Variants in PARD3B observed in about 807,000 individuals in gnomAD.
The protein encoded by PARD3B is partitioning defective 3 homolog B.
In PARD3B, 103 loss-of-function variants were observed where a neutral mutation model predicts 130.2. That is an observed-to-expected ratio of 0.79 (90% CI 0.67 to 0.93). PARD3B has a LOEUF of 0.93. PARD3B is among the 40% of genes least tolerant of loss of function. The pLI is 0.00. For missense variants in PARD3B, 1,609 were observed against 1,499.2 expected, an observed-to-expected ratio of 1.07 and a Z score of -1.21; for synonymous variants, 583 against 553.2, an observed-to-expected ratio of 1.05 and a Z score of -0.76.
At chr2:205,546,899 G>A (rs1308463989) in intron 21 of PARD3B, among the ~76,000 whole-genome samples, 1 of 152,040 alleles carries the variant, frequency 6.6e-6, no homozygotes, top group Non-Finnish European at 1.5e-5. Flanking sequence ...ATACAAAATT[G>A]TCAATAATAA....
At chr2:205,399,462 C>G (rs1475481839) in intron 18 of PARD3B, among the ~76,000 whole-genome samples, 1 of 151,732 alleles carries the variant, frequency 6.6e-6, no homozygotes, top group Non-Finnish European at 1.5e-5. Context: ...TCAAGTGATT[C>G]TCCTGCCTCA....
At chr2:204,716,753 G>C (rs2038749559) in intron 2 of PARD3B, among the ~76,000 whole-genome samples, 1 of 151,376 alleles carries the variant, frequency 6.6e-6, no homozygotes, top group Non-Finnish European at 1.5e-5. Flanking sequence ...CTCCTGAGTA[G>C]CTGGGACCAC....
intron 2 of PARD3B, among the ~76,000 whole-genome samples, chr2:204,744,504 A>G (rs2040136914): frequency 6.6e-6 from 1 of 152,172 alleles, no homozygotes; most frequent in South Asian, 2.1e-4. Flanking sequence ...TCTGTGTGGA[A>G]TGAGAAACTG....
intron 1 of PARD3B, among the ~76,000 whole-genome samples, chr2:204,584,419 A>G (rs1300569622): frequency 6.6e-6 from 1 of 152,230 alleles, no homozygotes; most frequent in African/African-American, 2.4e-5. Context: ...GAGTATAGCT[A>G]GTAAAAACAT....
intron 16 of PARD3B, among the ~76,000 whole-genome samples, chr2:205,296,396 C>G (rs2041792853): frequency 6.6e-6 from 1 of 152,198 alleles, no homozygotes; most frequent in South Asian, 2.1e-4. Flanking sequence ...GAATCCAAGA[C>G]TGAGTCAGAG....
At position 204,568,963 on chromosome 2, in the gene PARD3B, A is replaced by T. The variant is rs1472827254; in HGVS notation, c.120+22844A>T. 2.0e-5 allele frequency among the ~76,000 whole-genome samples: 3 copies of T among 152,200 alleles called. No homozygotes were observed. The East Asian group carries it at 5.8e-4, about 29-fold the overall frequency. Reference sequence around the variant, plus strand: ...GAGTGAGACTGTCTCAGGAAAAAAAAAAAAAAATTGCAGGAAAACTCAGGC... The same window carrying T: ...GAGTGAGACTGTCTCAGGAAAAAAATAAAAAAATTGCAGGAAAACTCAGGC... On this transcript the variant is annotated intron_variant, in intron 1 of 22. Transcript: ENST00000406610.
chr2:205,295,809 A>C (rs906355503), intron 16 of PARD3B, among the ~76,000 whole-genome samples: 3 of 152,204 alleles, frequency 2.0e-5, no homozygotes, highest in East Asian at 3.8e-4. Flanking sequence ...CTAAGACTCC[A>C]CTATTAATCT....
At chr2:205,225,686 A>T (rs895238519) in intron 15 of PARD3B, among the ~76,000 whole-genome samples, 1 of 152,200 alleles carries the variant, frequency 6.6e-6, no homozygotes, top group African/African-American at 2.4e-5. Flanking sequence ...AGGGGAAGCA[A>T]GCACATCTTT....
intron 3 of PARD3B, among the ~76,000 whole-genome samples, chr2:205,013,004 CAT>C (rs894087422): frequency 6.6e-6 from 1 of 152,188 alleles, no homozygotes; most frequent in African/African-American, 2.4e-5. Flanking sequence ...TTAAAGTTTT[CAT>C]GTTTTTGCTG....
At chr2:205,305,677 C>A (rs1219994788) in intron 18 of PARD3B, among the ~76,000 whole-genome samples, 3 of 152,142 alleles carry the variant, frequency 2.0e-5, no homozygotes, top group African/African-American at 7.2e-5. Context: ...TCAATCCTGG[C>A]TTCTCTAATT....
chr2:205,477,626 T>A (rs2049072123), intron 20 of PARD3B, among the ~76,000 whole-genome samples: 1 of 152,116 alleles, frequency 6.6e-6, no homozygotes, highest in Non-Finnish European at 1.5e-5. Flanking sequence ...TGATTTAGCC[T>A]CTCTTTGTTG....
chr2:204,883,113 G>A (rs2046116403), intron 2 of PARD3B, among the ~76,000 whole-genome samples: 1 of 151,788 alleles, frequency 6.6e-6, no homozygotes, highest in Non-Finnish European at 1.5e-5. Context: ...AAATGCTAGA[G>A]AAAATAAGTT....
At chr2:204,966,371 T>C (rs1188287838) in intron 3 of PARD3B, among the ~76,000 whole-genome samples, 1 of 152,182 alleles carries the variant, frequency 6.6e-6, no homozygotes, top group Non-Finnish European at 1.5e-5. Context: ...AGTGAAGCAG[T>C]CTGCTGGAAC....
At chr2:205,487,024 A>G (rs1285752998) in intron 20 of PARD3B, among the ~76,000 whole-genome samples, 4 of 152,236 alleles carry the variant, frequency 2.6e-5, no homozygotes, top group Non-Finnish European at 4.4e-5. Flanking sequence ...TACTGCGTAT[A>G]TAATTCTGTG....
At chr2:204,734,047 A>G (rs1238286996) in intron 2 of PARD3B, among the ~76,000 whole-genome samples, 1 of 152,204 alleles carries the variant, frequency 6.6e-6, no homozygotes, top group East Asian at 1.9e-4. Flanking sequence ...ACTAGTGTCT[A>G]ACATACACAG....
At chr2:205,140,398 G>C (rs1324161938) in intron 10 of PARD3B, among the ~76,000 whole-genome samples, 1 of 151,068 alleles carries the variant, frequency 6.6e-6, no homozygotes, top group Admixed American at 6.6e-5. Flanking sequence ...TGGTCCCAGG[G>C]GAGACAGATG....
At chr2:205,349,819 T>TA (rs1189130985) in intron 18 of PARD3B, among the ~76,000 whole-genome samples, 189 of 148,024 alleles carry the variant, frequency 1.3e-3, no homozygotes, top group African/African-American at 4.6e-3. Flanking sequence ...TTTTTTTTTT[T>TA]TAAAAAAAGA....
At chr2:205,380,433 A>G (rs1452960709) in intron 18 of PARD3B, among the ~76,000 whole-genome samples, 1 of 46,836 alleles carries the variant, frequency 2.1e-5, no homozygotes, top group Non-Finnish European at 3.5e-5. Flanking sequence ...TATATTATAT[A>G]TTATATAAAG....
chr2:205,167,705 C>A (rs1186240217), intron 11 of PARD3B, among the ~76,000 whole-genome samples: 1 of 152,140 alleles, frequency 6.6e-6, no homozygotes, highest in Non-Finnish European at 1.5e-5. Context: ...CTCTAAAAGT[C>A]TGAATGTAGA....
Sources: allele counts gnomAD v4.1 joint callset (sites outside exome capture counted in the v4.1 genomes callset), GRCh38; gene constraint gnomAD v4.1.1; transcripts MANE v1.5; gene names NCBI Gene and HGNC (gene_info 2026-07-23, HGNC 2026-07-21).